Variants in MED12L observed in about 807,000 individuals in gnomAD.
The protein encoded by MED12L is mediator of RNA polymerase II transcription subunit 12-like protein.
MED12L carries 60 observed loss-of-function variants against 281.3 expected under a neutral mutation model. The observed-to-expected ratio is 0.21, with a 90% confidence interval of 0.17 to 0.26. MED12L has a LOEUF of 0.26. MED12L is among the 10% of genes least tolerant of loss of function. MED12L has a pLI of 1.00. For missense variants in MED12L, 2,146 were observed against 2,680.9 expected (o/e 0.80, Z 4.41); for synonymous variants, 974 against 987.2 (o/e 0.99, Z 0.25).
chr3:151,134,944 G>T (rs1315921450), intron 5 of MED12L, among the ~76,000 whole-genome samples: 1 of 151,694 alleles, frequency 6.6e-6, no homozygotes, highest in East Asian at 1.9e-4. Context: ...GCCATGGAAG[G>T]GTTTATTATT....
intron 11 of MED12L, among the ~76,000 whole-genome samples, chr3:151,172,949 A>G (rs762708200): frequency 1.3e-5 from 2 of 152,364 alleles, no homozygotes; most frequent in Non-Finnish European, 2.9e-5. Flanking sequence ...TTTGGTTTCT[A>G]GTAACATAGT....
chr3:151,225,513 A>G (rs76340288), intron 16 of MED12L, among the ~76,000 whole-genome samples: 1,954 of 152,264 alleles, frequency 0.013, 40 homozygotes, highest in African/African-American at 0.045. Context: ...GGCCTTTGCT[A>G]TCATGATCTA....
chr3:151,287,035 T>C (rs954746810), intron 16 of MED12L, among the ~76,000 whole-genome samples: 1 of 152,170 alleles, frequency 6.6e-6, no homozygotes, highest in Non-Finnish European at 1.5e-5. Context: ...TACTTCCTTA[T>C]GGGTTTGTTT....
intron 16 of MED12L, among the ~76,000 whole-genome samples, chr3:151,313,354 A>T (rs1747801706): frequency 6.6e-6 from 1 of 152,194 alleles, no homozygotes; most frequent in Non-Finnish European, 1.5e-5. Context: ...TGGTAAATAT[A>T]CAATAAGTCT....
At chr3:151,179,184 A>G (rs916738716) in intron 11 of MED12L, among the ~76,000 whole-genome samples, 3 of 152,180 alleles carry the variant, frequency 2.0e-5, no homozygotes, top group Non-Finnish European at 4.4e-5. Flanking sequence ...TACTAAAAGT[A>G]CAAAAATTAG....
intron 16 of MED12L, among the ~76,000 whole-genome samples, chr3:151,311,151 A>C (rs549574634): frequency 1.2e-4 from 18 of 152,268 alleles, no homozygotes; most frequent in African/African-American, 3.9e-4. Flanking sequence ...TAGACTGTAA[A>C]CTGGATATAA....
chr3:151,313,061 G>A (rs1440540071), intron 16 of MED12L, among the ~76,000 whole-genome samples: 3 of 152,166 alleles, frequency 2.0e-5, no homozygotes, highest in Admixed American at 6.5e-5. Flanking sequence ...TGTTCTTTGA[G>A]CAGATATGTG....
intron 11 of MED12L, among the ~76,000 whole-genome samples, chr3:151,184,823 C>T (rs1046426917): frequency 1.3e-5 from 2 of 152,158 alleles, no homozygotes; most frequent in African/African-American, 2.4e-5. Flanking sequence ...GTTTTACCAG[C>T]GTTCCAGCCT....
intron 2 of MED12L, among the ~76,000 whole-genome samples, chr3:151,099,324 A>G (rs536312901): frequency 2.4e-4 from 37 of 152,306 alleles, no homozygotes; most frequent in Non-Finnish European, 5.1e-4. Flanking sequence ...AAGATTGAGG[A>G]TCTATTAAGC....
In MED12L at chr3:151,142,131, C is replaced by T. The variant is rs113426080; in HGVS notation, c.557-14030C>T. Among the ~76,000 whole-genome samples the T allele has an allele frequency of 3.6e-3, 545 of 152,240 alleles. 4 individuals carry two copies. Among genetic ancestry groups the T allele is most frequent in the African/African-American group, 0.013 (532 of 41,542 alleles). On this transcript the variant is annotated intron_variant, in intron 5 of 44. Transcript: ENST00000687756. ...TTGGGCTAGTTTTCTTGAAAATTCTCTGAGGTAGTTGAGTGCCTCCATTTC... is the reference window on the plus strand; with the variant it reads ...TTGGGCTAGTTTTCTTGAAAATTCTTTGAGGTAGTTGAGTGCCTCCATTTC...
intron 16 of MED12L, among the ~76,000 whole-genome samples, chr3:151,255,416 C>T (rs988490435): frequency 6.7e-6 from 1 of 149,650 alleles, no homozygotes; most frequent in African/African-American, 2.5e-5. Flanking sequence ...GGAAAGTCCA[C>T]GGCAGTTAAA....
intron 16 of MED12L, among the ~76,000 whole-genome samples, chr3:151,323,834 G>T (rs1577331301): frequency 6.6e-6 from 1 of 152,210 alleles, no homozygotes. Flanking sequence ...CACTATTGGG[G>T]AGTTTACTCC....
intron 35 of MED12L, 32 bp downstream of exon 35, chr3:151,384,250 C>G (rs778808719): frequency 6.4e-7 from 1 of 1,565,374 alleles, no homozygotes; most frequent in Admixed American, 2.0e-5. Context: ...ATTATGAGCT[C>G]AAGTTGTTTA....
chr3:151,427,299 C>T (rs1238778634), intron 43 of MED12L, among the ~76,000 whole-genome samples: 1 of 152,134 alleles, frequency 6.6e-6, no homozygotes, highest in African/African-American at 2.4e-5. Context: ...TTGCAGATAA[C>T]CTGACAGAGT....
chr3:151,306,012 C>T (rs935063905), intron 16 of MED12L, among the ~76,000 whole-genome samples: 17 of 152,250 alleles, frequency 1.1e-4, no homozygotes, highest in South Asian at 1.0e-3. Context: ...TCACAGCATA[C>T]GCGTTGACAT....
intron 16 of MED12L, among the ~76,000 whole-genome samples, chr3:151,252,845 AC>A (rs1272485682): frequency 1.3e-5 from 2 of 152,092 alleles, no homozygotes; most frequent in African/African-American, 4.8e-5. Context: ...TTTAACCAAA[AC>A]TGGTATTTGG....
At chr3:151,356,898 C>G (rs534901305) in intron 19 of MED12L, among the ~76,000 whole-genome samples, 9 of 151,996 alleles carry the variant, frequency 5.9e-5, no homozygotes, top group East Asian at 5.8e-4. Context: ...AAATAACTTT[C>G]ATTTTATTAA....
At chr3:151,108,539 A>G (rs1376629161) in intron 2 of MED12L, among the ~76,000 whole-genome samples, 3 of 152,286 alleles carry the variant, frequency 2.0e-5, no homozygotes, top group East Asian at 1.9e-4. Flanking sequence ...GCTAGGAAAT[A>G]TAGCTATAAA....
At chr3:151,165,621 C>A in intron 10 of MED12L, 102 bp downstream of exon 10, 1 of 1,051,158 alleles carries the variant, frequency 9.5e-7, no homozygotes, top group South Asian at 1.4e-5. Context: ...AGCTTTTTGA[C>A]AGAGCCACTT....
Sources: gnomAD v4.1 joint callset for allele counts (sites outside exome capture counted in the v4.1 genomes callset) on GRCh38, gnomAD v4.1.1 for gene constraint, MANE v1.5 for transcripts, NCBI Gene and HGNC (gene_info 2026-07-23, HGNC 2026-07-21) for gene names.